NMNAT1: variants seen among roughly 807,000 people sequenced by gnomAD.
NMNAT1 encodes nicotinamide nucleotide adenylyltransferase 1.
A neutral mutation model predicts 16.7 loss-of-function variants in NMNAT1; 11 were observed. The observed-to-expected ratio is 0.66, with a 90% CI of 0.41 to 1.09. The LOEUF is 1.09. Ranked by LOEUF, NMNAT1 falls within the 50% of genes least tolerant of loss-of-function variation. The pLI is 0.00. For synonymous variants in NMNAT1, 110 were observed against 119.8 expected (o/e 0.92, Z 0.53); for missense variants, 280 against 332.3 (o/e 0.84, Z 1.22).
intron 1 of NMNAT1, among the ~76,000 whole-genome samples, chr1:9,946,530 T>G (rs1351048115): frequency 6.6e-6 from 1 of 152,182 alleles, no homozygotes; most frequent in African/African-American, 2.4e-5. Context: ...AGATGAAACT[T>G]GAGTGGCTAA....
chr1:9,989,756 G>A (rs1261453742), downstream of NMNAT1, among the ~76,000 whole-genome samples: 2 of 152,058 alleles, frequency 1.3e-5, no homozygotes, highest in Non-Finnish European at 2.9e-5. Flanking sequence ...CAAGAACTTG[G>A]GTACCACAAG....
rs566784324 is a variant in NMNAT1, at chr1:9,972,072, C to T, written c.-2C>T. ...TTAGATCAACAACTTCAAGTTCTTA[C>T]CATGGAAAATTCCGAGAAGACTGAA... On this transcript the variant is annotated 5_prime_UTR_variant, in exon 2 of 5. Coordinates refer to ENST00000377205, the MANE Select transcript of NMNAT1 (RefSeq NM_022787.4). 2 of 1,537,538 alleles carry T rather than the reference C, an allele frequency of 1.3e-6. No homozygotes were observed. The highest frequency in any genetic ancestry group is 2.2e-5 in the South Asian group (2 of 89,434).
chr1:9,993,154 C>A, the NMNAT1 span, among the ~76,000 whole-genome samples: 647 of 152,064 alleles, frequency 4.3e-3, 7 homozygotes, highest in African/African-American at 0.015. Context: ...GTGAACCTAA[C>A]CATGAGAGAG....
At chr1:9,963,613 T>C (rs1641475669) in intron 1 of NMNAT1, among the ~76,000 whole-genome samples, 2 of 152,018 alleles carry the variant, frequency 1.3e-5, no homozygotes, top group Non-Finnish European at 2.9e-5. Flanking sequence ...TTCACCATGT[T>C]GGCCAGGCTG....
chr1:9,943,845 C>A (rs1640889483), intron 1 of NMNAT1, among the ~76,000 whole-genome samples: 1 of 152,188 alleles, frequency 6.6e-6, no homozygotes, highest in South Asian at 2.1e-4. Flanking sequence ...AACGACTTCC[C>A]TTTCCTCCTA....
intron 1 of NMNAT1, among the ~76,000 whole-genome samples, chr1:9,962,775 G>A (rs1308810743): frequency 4.5e-5 from 6 of 134,478 alleles, no homozygotes; most frequent in African/African-American, 8.0e-5. Context: ...TCCGCCTCCC[G>A]GGTTCACGCC....
chr1:9,954,627 G>T (rs142740665), intron 1 of NMNAT1, among the ~76,000 whole-genome samples: 23 of 152,134 alleles, frequency 1.5e-4, no homozygotes, highest in African/African-American at 4.3e-4. Context: ...TAACACTAAA[G>T]AATTTTATAG....
chr1:9,968,080 G>GTTTTTTTTTTTT (rs6143117), intron 1 of NMNAT1, among the ~76,000 whole-genome samples: 5,443 of 117,364 alleles, frequency 0.046, 590 homozygotes, highest in African/African-American at 0.074. Flanking sequence ...TTTTTTTTTT[G>GTTTTTTTTTTTT]TTTTTTTTTG....
chr1:9,948,763 C>T (rs936222720), intron 1 of NMNAT1, among the ~76,000 whole-genome samples: 5 of 151,660 alleles, frequency 3.3e-5, no homozygotes, highest in Non-Finnish European at 5.9e-5. Context: ...GATTCTCCTG[C>T]CTCAGCCTCC....
intron 1 of NMNAT1, among the ~76,000 whole-genome samples, chr1:9,969,287 G>T (rs188825276): frequency 1.3e-4 from 20 of 152,244 alleles, no homozygotes; most frequent in Admixed American, 1.2e-3. Flanking sequence ...ATGATAATCT[G>T]TTGGGGAAAT....
chr1:9,962,472 ACTCCGT>A (rs1641438957), intron 1 of NMNAT1, among the ~76,000 whole-genome samples: 1 of 140,854 alleles, frequency 7.1e-6, no homozygotes, highest in Admixed American at 7.4e-5. Context: ...ACAGAGCGAG[ACTCCGT>A]CTGAAAAAAA....
intron 1 of NMNAT1, among the ~76,000 whole-genome samples, chr1:9,943,870 A>C (rs1313486629): frequency 6.6e-6 from 1 of 152,136 alleles, no homozygotes; most frequent in Non-Finnish European, 1.5e-5. Context: ...CTTCTTTCCA[A>C]ATCTGTAAAA....
downstream of NMNAT1, among the ~76,000 whole-genome samples, chr1:9,985,948 C>T (rs1231075579): frequency 1.3e-5 from 2 of 152,202 alleles, no homozygotes; most frequent in South Asian, 2.1e-4. Flanking sequence ...CACGCTCTGC[C>T]CAGATAGGGT....
At chr1:9,976,817 G>C (rs1220626968) in intron 3 of NMNAT1, among the ~76,000 whole-genome samples, 1 of 151,468 alleles carries the variant, frequency 6.6e-6, no homozygotes, top group East Asian at 1.9e-4. Context: ...AGTAGAGATG[G>C]GGTTCTACCT....
chr1:9,963,837 G>C (rs1429818344), intron 1 of NMNAT1, among the ~76,000 whole-genome samples: 1 of 152,046 alleles, frequency 6.6e-6, no homozygotes, highest in Non-Finnish European at 1.5e-5. Context: ...AATTGCTTTT[G>C]GCCAAGTTAT....
intron 1 of NMNAT1, among the ~76,000 whole-genome samples, chr1:9,956,758 G>A (rs539530927): frequency 7.5e-6 from 1 of 134,200 alleles, no homozygotes; most frequent in South Asian, 2.4e-4. Flanking sequence ...TTGAGACAGA[G>A]TCTCGCTCTG....
chr1:9,975,320 G>T (rs1000274896), intron 2 of NMNAT1, among the ~76,000 whole-genome samples: 1 of 152,036 alleles, frequency 6.6e-6, no homozygotes, highest in African/African-American at 2.4e-5. Flanking sequence ...GGCTAACATG[G>T]TAAAAACCCC....
At chr1:9,966,572 C>T (rs1570697200) in intron 1 of NMNAT1, among the ~76,000 whole-genome samples, 1 of 151,886 alleles carries the variant, frequency 6.6e-6, no homozygotes, top group African/African-American at 2.4e-5. Context: ...AAGATTTTGC[C>T]ACTGCACTCC....
intron 1 of NMNAT1, among the ~76,000 whole-genome samples, chr1:9,970,004 C>T (rs1641651863): frequency 6.6e-6 from 1 of 152,118 alleles, no homozygotes. Flanking sequence ...AAATGACATT[C>T]AAAAGCTCCG....
Sources: allele counts gnomAD v4.1 joint callset (sites outside exome capture counted in the v4.1 genomes callset), GRCh38; gene constraint gnomAD v4.1.1; transcripts MANE v1.5; gene names NCBI Gene and HGNC (gene_info 2026-07-23, HGNC 2026-07-21).